Variants in KIF18B observed in about 807,000 individuals in gnomAD.
KIF18B encodes the protein kinesin family member 18B.
Under a neutral mutation model 80.9 loss-of-function variants are expected in KIF18B, and 49 were observed. That is an observed-to-expected ratio of 0.61 (90% CI 0.48 to 0.77). The LOEUF is 0.77. KIF18B is among the 30% of genes least tolerant of loss of function. KIF18B has a pLI of 0.00. For synonymous variants in KIF18B, 439 were observed against 463.9 expected (o/e 0.95, Z 0.69); for missense variants, 994 against 1,127.7 (o/e 0.88, Z 1.70).
At position 44,935,022 on chromosome 17, in the gene KIF18B, G is replaced by A. The variant is rs971692844; in HGVS notation, c.472-87C>T. 24 of 1,024,924 alleles carry A rather than the reference G, an allele frequency of 2.3e-5. No homozygotes were observed. In the African/African-American group the frequency reaches 2.4e-4, roughly 10 times the overall value. The allele number at this position is 1,024,924 out of a possible 1,614,324, so 63.5% of individuals were successfully genotyped here. On this transcript the variant is annotated intron_variant, in intron 3 of 15. Transcript: ENST00000593135. ...GCGGCTGGACAGGGGAGCTGAGGCC[G>A]GGATGTATCTGAGACACCCACAGAA... is the stretch of plus-strand genomic sequence containing the variant.
chr17:44,927,632 G>A lies in KIF18B; in HGVS notation c.2276+394C>T, dbSNP rs2052057111. Among the ~76,000 whole-genome samples, 1 of 152,260 alleles carries A rather than the reference G, an allele frequency of 6.6e-6. No homozygotes were observed. The highest frequency in any genetic ancestry group is 2.1e-4 in the South Asian group (1 of 4,836). ...GCCAAAATCTGGAGTAGAAGTGGCAGAAAGAGGTATTTCCCAGTGGAACAT... is the reference window on the plus strand; with the variant it reads ...GCCAAAATCTGGAGTAGAAGTGGCAAAAAGAGGTATTTCCCAGTGGAACAT... On this transcript the variant is annotated intron_variant, in intron 13 of 15. Coordinates refer to ENST00000593135, the MANE Select transcript of KIF18B (RefSeq NM_001265577.2). The surrounding 1 kb of genome is among the most constrained non-coding windows in gnomAD (Gnocchi z 4.1).
intron 1 of KIF18B, among the ~76,000 whole-genome samples, chr17:44,938,088 TCA>T (rs1235475052): frequency 6.6e-6 from 1 of 152,084 alleles, no homozygotes; most frequent in African/African-American, 2.4e-5. Flanking sequence ...CGATCTCAGC[TCA>T]CTACAACCTC....
chr17:44,945,178 A>G (rs2052488135), intron 1 of KIF18B, among the ~76,000 whole-genome samples: 1 of 152,170 alleles, frequency 6.6e-6, no homozygotes, highest in African/African-American at 2.4e-5. Context: ...CTCCCACCTC[A>G]GTCTCCTGAG....
intron 9 of KIF18B, chr17:44,932,457 A>G: frequency 1.7e-6 from 1 of 595,688 alleles, no homozygotes; most frequent in African/African-American, 1.9e-5. Flanking sequence ...CTCGAATAGT[A>G]GGCCCTGCTC....
intron 15 of KIF18B, 57 bp from the exon 16 acceptor site, chr17:44,926,243 T>G: frequency 1.2e-6 from 2 of 1,606,480 alleles, no homozygotes; most frequent in Non-Finnish European, 8.5e-7. Context: ...AGTGACGCTC[T>G]GTCCCCGTCC....
At chr17:44,936,806 A>AT (rs1012490661) in intron 1 of KIF18B, among the ~76,000 whole-genome samples, 7 of 146,996 alleles carry the variant, frequency 4.8e-5, no homozygotes, top group Non-Finnish European at 7.5e-5. Context: ...TGCCTGGCTA[A>AT]TTTTTTTTTG....
rs2052265586 is a variant in KIF18B, at chr17:44,935,416, A to G, written c.314T>C (p.Val105Ala). ...DSFLQGYNCS[V>A]FAYGATGAGK... ...AGCCCCGGTGGCCCCGTAGGCAAAC[A>G]CTGCAGAGGACATAGTAAGGAGGAG... is the stretch of plus-strand genomic sequence containing the variant. Residue 105 changes from valine to alanine, a missense_variant and splice_region_variant, in exon 3 of 16, where the codon GTG (valine) becomes GCG (alanine). By Grantham distance (64) the Val-to-Ala change is moderately conservative. Coordinates refer to ENST00000593135, the MANE Select transcript of KIF18B (RefSeq NM_001265577.2). The G allele has an allele frequency of 6.2e-7, 1 of 1,601,768 alleles. No individual in the cohort carries two copies. Among genetic ancestry groups the G allele is most frequent in the Non-Finnish European group, 8.5e-7 (1 of 1,173,284 alleles).
rs919601895 is a variant in KIF18B at position 44,931,372 on chromosome 17, G to A, written c.1517+230C>T. ...CTGCTGGCTGCCTGGATGTACTCTG[G>A]CATTTTGCTTCCCTCTCCTGCTAGG... On this transcript the variant is annotated intron_variant, in intron 11 of 15. Transcript: ENST00000593135. 4.6e-5 allele frequency among the ~76,000 whole-genome samples: 7 copies of A among 152,298 alleles called. No homozygotes were observed. In the East Asian group the frequency reaches 1.4e-3, roughly 29 times the overall value.
intron 1 of KIF18B, among the ~76,000 whole-genome samples, chr17:44,946,583 A>G (rs2052515575): frequency 6.6e-6 from 1 of 152,206 alleles, no homozygotes; most frequent in East Asian, 1.9e-4. Flanking sequence ...CAAACCCGGT[A>G]AGTGCTCAAT....
chr17:44,926,540 G>A lies in KIF18B; in HGVS notation c.2367-41C>T, dbSNP rs1319972051. The A allele has an allele frequency of 5.3e-6, 8 of 1,522,094 alleles. No homozygotes were observed. The East Asian group carries it at 1.7e-4, about 32-fold the overall frequency. The allele number at this position is 1,522,094 out of a possible 1,614,324, so 94.3% of individuals were successfully genotyped here. A position where few individuals can be genotyped will look rare whatever the true frequency, so the allele number is the denominator to read the frequency against. ...AGGGAAGGTGGAAGGTTACGGCCCT[G>A]TCTCTGGACTATGGGTGTGCATTGA... On this transcript the variant is annotated intron_variant, in intron 14 of 15. Transcript: ENST00000593135.
Position 44,928,387 on chromosome 17 carries a change from T to C in KIF18B, c.1915A>G (p.Ser639Gly). Reference sequence around the variant, plus strand: ...GTGCCCCGCTTTGGGGCCATGGGACTGTCTGCCTCCAAGGCGCTTGGTCTC... The same window carrying C: ...GTGCCCCGCTTTGGGGCCATGGGACCGTCTGCCTCCAAGGCGCTTGGTCTC... ...RRRPSALEAD[S>G]PMAPKRGTKR... The change falls in exon 13 of 16, where the codon AGT becomes GGT. Residue 639 changes from serine to glycine, a missense_variant. Physicochemically the swap from Ser to Gly is moderately conservative, Grantham distance 56 (BLOSUM62 0). Transcript: ENST00000593135. The C allele has an allele frequency of 6.4e-7, 1 of 1,574,582 alleles. No homozygotes were observed. The highest frequency in any genetic ancestry group is 8.6e-7 in the Non-Finnish European group (1 of 1,162,604).
chr17:44,945,676 G>A (rs898098915), intron 1 of KIF18B, among the ~76,000 whole-genome samples: 1 of 151,892 alleles, frequency 6.6e-6, no homozygotes, highest in Non-Finnish European at 1.5e-5. Context: ...AGACCGAGGT[G>A]GGTGGATCAC....
intron 1 of KIF18B, among the ~76,000 whole-genome samples, chr17:44,942,675 G>A (rs767100721): frequency 6.6e-6 from 1 of 152,182 alleles, no homozygotes. Flanking sequence ...CTGGGCACCC[G>A]GCCCAGCATG....
Position 44,945,276 on chromosome 17 carries a change from G to T in KIF18B, c.-15+2352C>A, listed in dbSNP as rs796782448. 8.5e-5 allele frequency among the ~76,000 whole-genome samples: 13 copies of T among 152,248 alleles called. 2 individuals carry two copies. Among genetic ancestry groups the T allele is most frequent in the African/African-American group, 3.1e-4 (13 of 41,544 alleles). ...GGGTTTCACCATATTGCCCAGGCTG[G>T]TCTTGAACTCCTGGGCTCAAGCTGT... On this transcript the variant is annotated intron_variant, in intron 1 of 15. Coordinates refer to ENST00000593135, the MANE Select transcript of KIF18B (RefSeq NM_001265577.2).
chr17:44,936,446 C>A, intron 1 of KIF18B, 88 bp from the exon 2 acceptor site: 1 of 1,059,706 alleles, frequency 9.4e-7, no homozygotes, highest in Admixed American at 2.7e-5. Flanking sequence ...CCTCCACCCA[C>A]TCCCAATGAC....
Position 44,935,243 on chromosome 17 carries a change from G to A in KIF18B, c.471+16C>T. On this transcript the variant is annotated intron_variant, in intron 3 of 15. Coordinates refer to ENST00000593135, the MANE Select transcript of KIF18B (RefSeq NM_001265577.2). Reference sequence around the variant, plus strand: ...GGGTGGTTGTGAGAACAAGGCCCAGGGCAGGGGCAGCCGACCTCCTGGTAG... The same window carrying A: ...GGGTGGTTGTGAGAACAAGGCCCAGAGCAGGGGCAGCCGACCTCCTGGTAG... 6.3e-7 allele frequency: 1 copy of A among 1,591,030 alleles called. No homozygotes were observed. Among genetic ancestry groups the A allele is most frequent in the Non-Finnish European group, 8.6e-7 (1 of 1,166,264 alleles).
At chr17:44,938,921 G>A (rs571718655) in intron 1 of KIF18B, among the ~76,000 whole-genome samples, 3 of 152,094 alleles carry the variant, frequency 2.0e-5, no homozygotes, top group African/African-American at 7.2e-5. Flanking sequence ...GCACGTGCCT[G>A]TAGTCCCAGC....
chr17:44,934,437 G>A lies in KIF18B; in HGVS notation c.688-7C>T. ...CCTGCTGCTTCACAAAGATCTGAAG[G>A]CAGATGGCAGGGGTGAGGGGGAGAT... On this transcript the variant is annotated splice_region_variant and splice_polypyrimidine_tract_variant and intron_variant, in intron 5 of 15. Transcript: ENST00000593135. The surrounding 1 kb of genome is among the most constrained non-coding windows in gnomAD (Gnocchi z 5.4). The A allele has an allele frequency of 6.2e-7, 1 of 1,605,188 alleles. No homozygotes were observed. The highest frequency in any genetic ancestry group is 8.5e-7 in the Non-Finnish European group (1 of 1,175,028).
chr17:44,937,099 A>C (rs985340921), intron 1 of KIF18B, among the ~76,000 whole-genome samples: 3 of 151,056 alleles, frequency 2.0e-5, no homozygotes, highest in Non-Finnish European at 4.4e-5. Flanking sequence ...ATTACTTTAC[A>C]GTATGCTTTC....
Sources: allele counts gnomAD v4.1 joint callset (sites outside exome capture counted in the v4.1 genomes callset), GRCh38; gene constraint gnomAD v4.1.1; non-coding constraint Gnocchi (gnomAD v3.1); transcripts MANE v1.5; gene names NCBI Gene and HGNC (gene_info 2026-07-23, HGNC 2026-07-21).